The following UBASH3A variants were observed in gnomAD, a reference collection of about 807,000 sequenced individuals.
UBASH3A encodes the protein ubiquitin associated and SH3 domain containing A, also known as ubiquitin-associated and SH3 domain-containing protein A.
Under a neutral mutation model 73.5 loss-of-function variants are expected in UBASH3A, and 63 were observed. That is an observed-to-expected ratio of 0.86 (90% CI 0.70 to 1.06). The LOEUF (loss-of-function observed/expected upper bound fraction) is 1.06, where lower values mean the gene tolerates loss of function less well. Among genes scored for constraint, UBASH3A ranks in the 50% least tolerant of loss-of-function variants. The pLI is 0.00. For synonymous variants in UBASH3A, 363 were observed against 351.1 expected, an observed-to-expected ratio of 1.03 and a Z score of -0.38; for missense variants, 860 against 859.0, an observed-to-expected ratio of 1.00 and a Z score of -0.02.
At chr21:42,421,881 G>A (rs2053344672) in intron 7 of UBASH3A, among the ~76,000 whole-genome samples, 1 of 152,214 alleles carries the variant, frequency 6.6e-6, no homozygotes, top group African/African-American at 2.4e-5. Context: ...TGGTTTAATA[G>A]TACCTGATAG....
chr21:42,445,035 C>T (rs1188867746), intron 14 of UBASH3A, among the ~76,000 whole-genome samples: 3 of 152,188 alleles, frequency 2.0e-5, no homozygotes, highest in Non-Finnish European at 2.9e-5. Flanking sequence ...TGAAAAGGAG[C>T]CCCTTGATCC....
Position 42,432,147 on chromosome 21 carries a change from G to A in UBASH3A, c.1215G>A (p.Glu405=). The change falls in exon 9 of 15, where the codon GAG becomes GAA. Residue 405 remains glutamate (E), a synonymous_variant. Transcript: ENST00000319294. ...GCGTGCTGGTGGTTCGCCACGGGGAGAGAGTGGATCAGATCTTCGGGAAGG... is the reference window on the plus strand; with the variant it reads ...GCGTGCTGGTGGTTCGCCACGGGGAAAGAGTGGATCAGATCTTCGGGAAGG... ...RKSVLVVRHG[E]RVDQIFGKAW... is the part of the protein sequence containing the mutation. The A allele has an allele frequency of 1.2e-6, 2 of 1,613,722 alleles. No individual in the cohort carries two copies. Among genetic ancestry groups the A allele is most frequent in the Non-Finnish European group, 1.7e-6 (2 of 1,179,814 alleles).
intron 2 of UBASH3A, among the ~76,000 whole-genome samples, chr21:42,407,702 A>G (rs1452693472): frequency 6.6e-6 from 1 of 152,246 alleles, no homozygotes; most frequent in African/African-American, 2.4e-5. Flanking sequence ...AGTGCTGGGT[A>G]TCTGCCAACC....
intron 5 of UBASH3A, among the ~76,000 whole-genome samples, chr21:42,415,368 T>C (rs2053180146): frequency 6.6e-6 from 1 of 152,212 alleles, no homozygotes; most frequent in Non-Finnish European, 1.5e-5. Context: ...TACACACTCA[T>C]GCTGCTCTGG....
intron 7 of UBASH3A, among the ~76,000 whole-genome samples, chr21:42,421,393 G>A (rs1463171722): frequency 2.0e-5 from 3 of 152,218 alleles, no homozygotes; most frequent in East Asian, 1.9e-4. Context: ...CACCATCGTG[G>A]CCATCCCTCT....
chr21:42,421,004 C>T (rs753569232), intron 7 of UBASH3A, among the ~76,000 whole-genome samples: 1 of 152,162 alleles, frequency 6.6e-6, no homozygotes, highest in African/African-American at 2.4e-5. Context: ...TGTAGCCCAC[C>T]CTGATCAGAC....
At position 42,428,405 on chromosome 21, in the gene UBASH3A, G is replaced by A. The variant is rs376014316; in HGVS notation, c.1170+1585G>A. Among the ~76,000 whole-genome samples the A allele has an allele frequency of 3.3e-5, 5 of 152,182 alleles. 1 individual carries two copies. Among genetic ancestry groups the A allele is most frequent in the East Asian group, 1.9e-4 (1 of 5,170 alleles). ...TGAAGCTGGGTCCATGAGAAATGGC[G>A]ATCAGCGTTCACCATGTGAGAAAGG... On this transcript the variant is annotated intron_variant, in intron 8 of 14. Transcript: ENST00000319294.
At chr21:42,412,337 A>C (rs571297459) in intron 3 of UBASH3A, among the ~76,000 whole-genome samples, 51 of 152,266 alleles carry the variant, frequency 3.3e-4, no homozygotes, top group African/African-American at 1.1e-3. Flanking sequence ...TGCATCAGAA[A>C]GAGGGTCCTG....
At position 42,418,466 on chromosome 21, in the gene UBASH3A, C is replaced by G; in HGVS notation, c.903C>G (p.Asp301Glu). Reference protein sequence around the residue: ...NVDELTLSPGDYIFVDPTQQD... With the variant: ...NVDELTLSPGEYIFVDPTQQD... ...ATGAGCTGACGCTAAGTCCTGGTGA[C>G]TACATCTTTGTGGACCCCACGCAGC... Residue 301 changes from aspartate to glutamate, a missense_variant, in exon 7 of 15, where the codon GAC becomes GAG. Transcript: ENST00000319294. 1 of 1,614,256 alleles carries G rather than the reference C, an allele frequency of 6.2e-7. No homozygotes were observed. Among genetic ancestry groups the G allele is most frequent in the Non-Finnish European group, 8.5e-7 (1 of 1,180,050 alleles).
At chr21:42,433,200 T>C (rs1392301587) in intron 9 of UBASH3A, among the ~76,000 whole-genome samples, 1 of 152,234 alleles carries the variant, frequency 6.6e-6, no homozygotes, top group Non-Finnish European at 1.5e-5. Context: ...AGGAAACTCC[T>C]GGTGGATCTT....
Position 42,432,218 on chromosome 21 carries a change from G to C in UBASH3A, c.1270+16G>C, listed in dbSNP as rs919930508. ...ACTCCTGATGGTAGGTCACACTCAGGCGGGTCTACGGACAGAAACACTGTA... is the reference window on the plus strand; with the variant it reads ...ACTCCTGATGGTAGGTCACACTCAGCCGGGTCTACGGACAGAAACACTGTA... On this transcript the variant is annotated intron_variant, in intron 9 of 14. Coordinates refer to ENST00000319294, the MANE Select transcript of UBASH3A (RefSeq NM_018961.4). 2.5e-6 allele frequency: 4 copies of C among 1,576,432 alleles called. No homozygotes were observed. The highest frequency in any genetic ancestry group is 3.5e-6 in the Non-Finnish European group (4 of 1,147,466).
chr21:42,418,339 T>G, intron 6 of UBASH3A, 62 bp from the exon 7 acceptor site: 4 of 1,492,020 alleles, frequency 2.7e-6, no homozygotes, highest in Non-Finnish European at 3.7e-6. Context: ...GGCCTCCTAT[T>G]GCTGCCATTT....
intron 14 of UBASH3A, among the ~76,000 whole-genome samples, chr21:42,445,594 A>T (rs2053830233): frequency 1.3e-5 from 2 of 152,364 alleles, no homozygotes; most frequent in South Asian, 4.1e-4. Flanking sequence ...CTCTCTAGCT[A>T]CGCCTGCCTC....
intron 7 of UBASH3A, among the ~76,000 whole-genome samples, chr21:42,423,536 T>C (rs985331696): frequency 1.3e-5 from 2 of 152,172 alleles, no homozygotes; most frequent in Admixed American, 1.3e-4. Flanking sequence ...GGGTTGGGGC[T>C]CCCCTGTGGC....
chr21:42,437,375 G>A (rs2053643657), intron 10 of UBASH3A, 113 bp from the exon 11 acceptor site: 1 of 872,850 alleles, frequency 1.1e-6, no homozygotes. Context: ...ACCAGGGGGT[G>A]GAAACCCGGG....
rs1236913067 is a variant in UBASH3A at position 42,437,500 on chromosome 21, T to C, written c.1406T>C (p.Leu469Pro). ...CACTATTTTCCAGGGGACGCGCTAC[T>C]GGACAGTGGTATCAGAATCAGCTCT... is the stretch of plus-strand genomic sequence containing the variant. ...FQSRIAGDAL[L>P]DSGIRISSVF... Residue 469 changes from leucine to proline, a missense_variant, in exon 11 of 15, where the codon CTG becomes CCG. Physicochemically the swap from Leu to Pro is moderately conservative, Grantham distance 98. Transcript: ENST00000319294. The C allele has an allele frequency of 6.2e-7, 1 of 1,614,126 alleles. No homozygotes were observed. Among genetic ancestry groups the C allele is most frequent in the Admixed American group, 1.7e-5 (1 of 60,012 alleles).
intron 11 of UBASH3A, among the ~76,000 whole-genome samples, chr21:42,439,527 G>A (rs1317948867): frequency 6.6e-6 from 1 of 152,130 alleles, no homozygotes; most frequent in Non-Finnish European, 1.5e-5. Flanking sequence ...AAGGACTCGC[G>A]AATCCCCAAA....
intron 5 of UBASH3A, among the ~76,000 whole-genome samples, chr21:42,415,797 GT>G (rs1568915462): frequency 6.6e-6 from 1 of 152,186 alleles, no homozygotes; most frequent in African/African-American, 2.4e-5. Context: ...TGTTGTTCCC[GT>G]CAAGACACAG....
At chr21:42,417,446 CAGAA>C (rs1475962025) in intron 6 of UBASH3A, 3 of 136,126 alleles carry the variant, frequency 2.2e-5, no homozygotes, top group African/African-American at 8.3e-5. Context: ...AAAAAAAAGA[CAGAA>C]AGGAAAGGAC....
Sources: gnomAD v4.1 joint callset for allele counts (sites outside exome capture counted in the v4.1 genomes callset) on GRCh38, gnomAD v4.1.1 for gene constraint, MANE v1.5 for transcripts, NCBI Gene and HGNC (gene_info 2026-07-23, HGNC 2026-07-21) for gene names.